MYO16: variants seen among roughly 807,000 people sequenced by gnomAD.
MYO16 encodes the protein unconventional myosin-XVI.
A neutral mutation model predicts 205.3 loss-of-function variants in MYO16; 94 were observed. The ratio of observed to expected loss-of-function variants is 0.46; its 90% confidence interval spans 0.39 to 0.54. MYO16 has a LOEUF of 0.54. Ranked by LOEUF, MYO16 falls within the 20% of genes least tolerant of loss-of-function variation. The pLI is 0.00. For synonymous variants in MYO16, 988 were observed against 954.0 expected (o/e 1.04, Z -0.66); for missense variants, 2,315 against 2,387.5 (o/e 0.97, Z 0.63).
At chr13:108,969,950 A>C (rs1883946285) in intron 20 of MYO16, among the ~76,000 whole-genome samples, 1 of 152,200 alleles carries the variant, frequency 6.6e-6, no homozygotes. Context: ...ATTACTGAAG[A>C]AACCCTTTTC....
chr13:109,042,246 A>G (rs1246248680), intron 23 of MYO16, among the ~76,000 whole-genome samples: 1 of 152,218 alleles, frequency 6.6e-6, no homozygotes. Context: ...TTTGGAATCG[A>G]GTAGTATTTT....
Position 108,712,659 on chromosome 13 carries a change from A to G in MYO16, c.293-2A>G. 6.2e-7 allele frequency: 1 copy of G among 1,613,944 alleles called. No homozygotes were observed. The highest frequency in any genetic ancestry group is 8.5e-7 in the Non-Finnish European group (1 of 1,179,774). ...CTCCATTCTCCTCTCTGTTGTTTTC[A>G]GTGCTTCGGCTCCTGAAGGAGGGGG... On this transcript the variant is annotated splice_acceptor_variant, in intron 2 of 34. Coordinates refer to ENST00000457511, the MANE Select transcript of MYO16 (RefSeq NM_001198950.3). LOFTEE classifies it high-confidence loss of function.
rs1287212713 is a variant in MYO16 at position 108,910,064 on chromosome 13, C to G, written c.1839C>G (p.Ser613Arg). ...SRLVSQPLGQSNFLIFYLLMD... is the reference protein window; with the variant it reads ...SRLVSQPLGQRNFLIFYLLMD... Reference sequence around the variant, plus strand: ...TTGTTTCACAACCTCTTGGCCAGAGCAATTTTCTCATTTTCTACTTGTTGA... The same window carrying G: ...TTGTTTCACAACCTCTTGGCCAGAGGAATTTTCTCATTTTCTACTTGTTGA... Residue 613 changes from serine to arginine, a missense_variant, in exon 16 of 35, where the codon AGC (serine) becomes AGG (arginine). Coordinates refer to ENST00000457511, the MANE Select transcript of MYO16 (RefSeq NM_001198950.3). The G allele has an allele frequency of 3.7e-6, 6 of 1,613,304 alleles. No individual in the cohort carries two copies. The South Asian group carries it at 6.6e-5, about 18-fold the overall frequency.
intron 27 of MYO16, among the ~76,000 whole-genome samples, chr13:109,086,843 G>A (rs765088207): frequency 6.6e-6 from 1 of 152,100 alleles, no homozygotes; most frequent in Non-Finnish European, 1.5e-5. Flanking sequence ...AAAAGAAATA[G>A]GAAGTCCATT....
chr13:109,192,043 A>T (rs1314048318), intron 34 of MYO16, among the ~76,000 whole-genome samples: 2 of 152,228 alleles, frequency 1.3e-5, no homozygotes, highest in African/African-American at 4.8e-5. Flanking sequence ...GATTTCCATT[A>T]TGCTGAAATA....
chr13:109,128,929 G>T (rs910327140), intron 31 of MYO16, among the ~76,000 whole-genome samples: 1 of 151,774 alleles, frequency 6.6e-6, no homozygotes, highest in African/African-American at 2.4e-5. Flanking sequence ...CTGCCACCAC[G>T]CCCAGCTAAT....
At chr13:108,859,941 A>G (rs1566373982) in intron 11 of MYO16, among the ~76,000 whole-genome samples, 3 of 152,184 alleles carry the variant, frequency 2.0e-5, no homozygotes, top group Admixed American at 2.0e-4. Context: ...AGCTCCTAGT[A>G]CACAGCCTCA....
chr13:108,521,631 T>G, the MYO16 span, among the ~76,000 whole-genome samples: 1 of 152,324 alleles, frequency 6.6e-6, no homozygotes, highest in African/African-American at 2.4e-5. Flanking sequence ...CTATTCAAAC[T>G]GATAAGTGTG....
chr13:108,799,819 G>A (rs73612412), intron 6 of MYO16, among the ~76,000 whole-genome samples: 2,259 of 152,142 alleles, frequency 0.015, 46 homozygotes, highest in African/African-American at 0.051. Context: ...TCCTCTTGGC[G>A]CTTTTCTTCA....
intron 2 of MYO16, among the ~76,000 whole-genome samples, chr13:108,675,011 C>G (rs1457396893): frequency 6.6e-6 from 1 of 152,174 alleles, no homozygotes; most frequent in Non-Finnish European, 1.5e-5. Flanking sequence ...AGCGTCACTC[C>G]CATTTCATTA....
Position 109,127,676 on chromosome 13 carries a change from CTT to C in MYO16, c.4051+127_4051+128del. On this transcript the variant is annotated intron_variant, in intron 31 of 34. Transcript: ENST00000457511. The surrounding 1 kb of genome is among the most constrained non-coding windows in gnomAD (Gnocchi z 4.2). ...TAATAGAAATAAATCCAATTGTTGG[CTT>C]GCCAGCAGCTCTTAATCATTAAATA... is the stretch of plus-strand genomic sequence containing the variant. The C allele has an allele frequency of 1.1e-6, 1 of 949,182 alleles. No homozygotes were observed. Among genetic ancestry groups the C allele is most frequent in the Non-Finnish European group, 1.5e-6 (1 of 654,814 alleles). The allele number at this position is 949,182 out of a possible 1,614,324, so 58.8% of individuals were successfully genotyped here.
At chr13:108,758,370 G>A (rs1407346308) in intron 4 of MYO16, among the ~76,000 whole-genome samples, 1 of 152,082 alleles carries the variant, frequency 6.6e-6, no homozygotes, top group African/African-American at 2.4e-5. Flanking sequence ...TGTCCCCTAG[G>A]TAGATTTTTT....
intron 12 of MYO16, among the ~76,000 whole-genome samples, chr13:108,871,326 G>A (rs190663538): frequency 4.6e-5 from 2 of 43,566 alleles, no homozygotes. Flanking sequence ...GTGACTTTGT[G>A]TGTGTGTGTG....
intron 31 of MYO16, among the ~76,000 whole-genome samples, chr13:109,139,306 A>G (rs892208870): frequency 6.6e-6 from 1 of 152,216 alleles, no homozygotes; most frequent in South Asian, 2.1e-4. Flanking sequence ...GTAAGCTTTC[A>G]TATGCCACTA....
chr13:108,813,404 A>G (rs1460244510), intron 7 of MYO16, among the ~76,000 whole-genome samples: 2 of 152,136 alleles, frequency 1.3e-5, no homozygotes, highest in African/African-American at 4.8e-5. Flanking sequence ...TGAGTTTCTG[A>G]GAGACTTTAA....
At chr13:108,642,199 C>T (rs1414669960) in intron 1 of MYO16, among the ~76,000 whole-genome samples, 1 of 152,178 alleles carries the variant, frequency 6.6e-6, no homozygotes, top group Non-Finnish European at 1.5e-5. Context: ...AGTCACCCAA[C>T]TATACAATCA....
intron 34 of MYO16, among the ~76,000 whole-genome samples, chr13:109,204,081 C>A (rs369145382): frequency 1.3e-5 from 2 of 152,316 alleles, no homozygotes; most frequent in African/African-American, 4.8e-5. Context: ...AAGCTTCACT[C>A]CATCTGGAAT....
At chr13:109,129,971 C>T (rs1212128080) in intron 31 of MYO16, among the ~76,000 whole-genome samples, 1 of 146,886 alleles carries the variant, frequency 6.8e-6, no homozygotes, top group African/African-American at 2.5e-5. Flanking sequence ...GAGCTCTCTC[C>T]TATGGGCAGC....
At chr13:108,842,665 G>A (rs1422015698) in intron 9 of MYO16, among the ~76,000 whole-genome samples, 1 of 152,162 alleles carries the variant, frequency 6.6e-6, no homozygotes, top group Non-Finnish European at 1.5e-5. Context: ...GGGATGCAAA[G>A]TGGTATAGTT....
Sources: allele counts gnomAD v4.1 joint callset (sites outside exome capture counted in the v4.1 genomes callset), GRCh38; gene constraint gnomAD v4.1.1; non-coding constraint Gnocchi (gnomAD v3.1); transcripts MANE v1.5; gene names NCBI Gene and HGNC (gene_info 2026-07-23, HGNC 2026-07-21).